The following ERBB4 variants were observed in gnomAD, a reference collection of about 807,000 sequenced individuals.
ERBB4 encodes receptor tyrosine-protein kinase erbB-4.
In ERBB4, 42 loss-of-function variants were observed where a neutral mutation model predicts 158.0. The observed-to-expected ratio is 0.27, with a 90% CI of 0.21 to 0.34. The LOEUF is 0.34. ERBB4 is among the 10% of genes least tolerant of loss of function. ERBB4 has a pLI of 1.00. For missense variants in ERBB4, 1,333 were observed against 1,624.1 expected, an observed-to-expected ratio of 0.82 and a Z score of 3.08; for synonymous variants, 583 against 558.7, an observed-to-expected ratio of 1.04 and a Z score of -0.61.
chr2:211,438,114 T>C (rs1240894381), intron 20 of ERBB4, among the ~76,000 whole-genome samples: 1 of 152,206 alleles, frequency 6.6e-6, no homozygotes, highest in Non-Finnish European at 1.5e-5. Flanking sequence ...ACAGAAGTTT[T>C]GGACATATTG....
chr2:211,922,626 T>TA (rs2079887167), intron 3 of ERBB4, among the ~76,000 whole-genome samples: 1 of 152,132 alleles, frequency 6.6e-6, no homozygotes, highest in Non-Finnish European at 1.5e-5. Context: ...ATTAATACAT[T>TA]GTTAATTGTA....
chr2:211,586,401 T>C (rs1209137377), intron 19 of ERBB4, among the ~76,000 whole-genome samples: 1 of 152,170 alleles, frequency 6.6e-6, no homozygotes, highest in Non-Finnish European at 1.5e-5. Context: ...AATAGAGTTG[T>C]ATAACATCAT....
At chr2:211,496,256 T>C (rs2125582039) in intron 20 of ERBB4, among the ~76,000 whole-genome samples, 1 of 152,102 alleles carries the variant, frequency 6.6e-6, no homozygotes, top group African/African-American at 2.4e-5. Context: ...AAGTACCACC[T>C]AAATGCCCAT....
At chr2:211,887,309 C>A (rs1464695277) in intron 3 of ERBB4, among the ~76,000 whole-genome samples, 2 of 149,488 alleles carry the variant, frequency 1.3e-5, no homozygotes, top group African/African-American at 2.5e-5. Flanking sequence ...AAAAAAAAAA[C>A]AAGTAGTGAT....
chr2:211,946,192 T>C (rs1051577284), intron 3 of ERBB4, among the ~76,000 whole-genome samples: 1 of 152,060 alleles, frequency 6.6e-6, no homozygotes, highest in Admixed American at 6.6e-5. Context: ...ATCAACTCTA[T>C]AGCAATCATG....
chr2:211,526,743 A>T lies in ERBB4; in HGVS notation c.2487+35160T>A, dbSNP rs370996600. On this transcript the variant is annotated intron_variant, in intron 20 of 27. Transcript: ENST00000342788. The stretch of plus-strand genomic sequence containing the variant: ...TCTATCAGATAACTTAAACAAAGAG[A>T]GTAAGTTAATTAAAGAGAATCAAGC... 9.6e-4 allele frequency among the ~76,000 whole-genome samples: 145 copies of T among 151,732 alleles called. 1 individual carries two copies. Among genetic ancestry groups the T allele is most frequent in the African/African-American group, 3.3e-3 (135 of 41,068 alleles).
chr2:211,696,009 CCTT>C (rs2073007546), intron 12 of ERBB4, among the ~76,000 whole-genome samples: 2 of 148,130 alleles, frequency 1.4e-5, no homozygotes, highest in African/African-American at 5.0e-5. Context: ...TCCCTTCCTT[CCTT>C]CTTTCCTTTC....
At chr2:212,419,686 C>T (rs2091747291) in intron 1 of ERBB4, among the ~76,000 whole-genome samples, 1 of 151,570 alleles carries the variant, frequency 6.6e-6, no homozygotes. Context: ...ATTTTGAGGA[C>T]CTACTGTTGT....
intron 20 of ERBB4, among the ~76,000 whole-genome samples, chr2:211,560,667 G>C (rs1037465934): frequency 6.6e-6 from 1 of 152,074 alleles, no homozygotes; most frequent in Non-Finnish European, 1.5e-5. Flanking sequence ...GAAGTTCTTA[G>C]ATAAATCCAT....
intron 2 of ERBB4, among the ~76,000 whole-genome samples, chr2:212,053,418 C>A (rs1008000330): frequency 1.3e-5 from 2 of 152,108 alleles, no homozygotes; most frequent in Admixed American, 6.5e-5. Flanking sequence ...CTCCTCTTCC[C>A]TTCCTCCTCT....
intron 1 of ERBB4, among the ~76,000 whole-genome samples, chr2:212,172,494 G>A (rs187990195): frequency 6.2e-4 from 94 of 152,176 alleles, no homozygotes; most frequent in Non-Finnish European, 3.4e-4. Flanking sequence ...GTTCACAATA[G>A]CAAAGACATG....
At chr2:211,741,452 TAC>T (rs5838279) in intron 5 of ERBB4, among the ~76,000 whole-genome samples, 2,039 of 143,234 alleles carry the variant, frequency 0.014, 20 homozygotes, top group African/African-American at 0.021. Context: ...TATGTAGTTA[TAC>T]ACACACACAC....
At chr2:212,161,667 T>C (rs2081205634) in intron 1 of ERBB4, among the ~76,000 whole-genome samples, 1 of 151,888 alleles carries the variant, frequency 6.6e-6, no homozygotes, top group Admixed American at 6.6e-5. Context: ...ATATTTAAAG[T>C]AAATTTTGAA....
chr2:212,135,837 T>C lies in ERBB4; in HGVS notation c.83-10934A>G, dbSNP rs2080254182. On this transcript the variant is annotated intron_variant, in intron 1 of 27. Transcript: ENST00000342788. ...CTTGACAAGCAATTAAAACAAACAA[T>C]TTCCACTCATCAAGGCTTGCCAAAT... Among the ~76,000 whole-genome samples, 5 of 152,306 alleles carry C rather than the reference T, an allele frequency of 3.3e-5. No individual in the cohort carries two copies. In the South Asian group the frequency reaches 8.3e-4, roughly 25 times the overall value.
chr2:212,329,117 T>C (rs985228490), intron 1 of ERBB4, among the ~76,000 whole-genome samples: 1 of 152,070 alleles, frequency 6.6e-6, no homozygotes. Context: ...GCTTGTTATT[T>C]CATTTTTTCA....
Position 212,273,681 on chromosome 2 carries a change from G to A in ERBB4, c.83-148778C>T, listed in dbSNP as rs2106125457. 2.0e-5 allele frequency among the ~76,000 whole-genome samples: 3 copies of A among 151,834 alleles called. No individual in the cohort carries two copies. In the South Asian group the frequency reaches 6.2e-4, roughly 31 times the overall value. On this transcript the variant is annotated intron_variant, in intron 1 of 27. Coordinates refer to ENST00000342788, the MANE Select transcript of ERBB4 (RefSeq NM_005235.3). ...AGCTCTATTTTGGATCTGTGTCAGA[G>A]GTAAAGTATTATAATACTTCAGGGA...
In ERBB4 at chr2:212,374,551, C is replaced by T. The variant is rs534370960; in HGVS notation, c.82+163898G>A. Among the ~76,000 whole-genome samples, 6 of 151,838 alleles carry T rather than the reference C, an allele frequency of 4.0e-5. No homozygotes were observed. In the South Asian group the frequency reaches 1.2e-3, roughly 31 times the overall value. On this transcript the variant is annotated intron_variant, in intron 1 of 27. Transcript: ENST00000342788. ...TTCAAAGTCATCATTTTCCACATATCATTCATGTTTTTAGAAGGCTTCAAG... is the reference window on the plus strand; with the variant it reads ...TTCAAAGTCATCATTTTCCACATATTATTCATGTTTTTAGAAGGCTTCAAG...
chr2:212,045,439 T>C (rs1054225190), intron 2 of ERBB4, among the ~76,000 whole-genome samples: 6 of 152,030 alleles, frequency 3.9e-5, no homozygotes, highest in South Asian at 2.1e-4. Context: ...GCCTGGGCAA[T>C]AGAGGAGAGA....
At chr2:212,167,833 A>G (rs890973487) in intron 1 of ERBB4, among the ~76,000 whole-genome samples, 3 of 152,076 alleles carry the variant, frequency 2.0e-5, no homozygotes, top group Non-Finnish European at 4.4e-5. Context: ...GCAAACTAAT[A>G]CAGGAACAGA....
Sources: gnomAD v4.1 joint callset for allele counts (sites outside exome capture counted in the v4.1 genomes callset) on GRCh38, gnomAD v4.1.1 for gene constraint, MANE v1.5 for transcripts, NCBI Gene and HGNC (gene_info 2026-07-23, HGNC 2026-07-21) for gene names.